CIMIP5: variants seen among roughly 807,000 people sequenced by gnomAD.
CIMIP5 encodes uncharacterized protein C2orf50.
At chr2:11,154,065 C>T in the CIMIP5 span, among the ~76,000 whole-genome samples, 1 of 152,128 alleles carries the variant, frequency 6.6e-6, no homozygotes, top group Non-Finnish European at 1.5e-5. Flanking sequence ...CAACCTCCGC[C>T]TCCTGGGTTC....
the CIMIP5 span, among the ~76,000 whole-genome samples, chr2:11,151,334 T>G: frequency 6.6e-6 from 1 of 152,212 alleles, no homozygotes; most frequent in African/African-American, 2.4e-5. Context: ...TCTCAGATAT[T>G]TTGGGTTTAC....
At chr2:11,144,003 G>T in the CIMIP5 span, 1 of 1,606,974 alleles carries the variant, frequency 6.2e-7, no homozygotes, top group Non-Finnish European at 8.5e-7. Context: ...ACCAGGTTGT[G>T]GGCAGCAGGC....
the CIMIP5 span, among the ~76,000 whole-genome samples, chr2:11,142,999 T>C: frequency 6.6e-6 from 1 of 152,206 alleles, no homozygotes; most frequent in East Asian, 1.9e-4. Context: ...CCATGGTGCC[T>C]GGCCATCAGA....
chr2:11,135,647 T>G, the CIMIP5 span, among the ~76,000 whole-genome samples: 26 of 110,596 alleles, frequency 2.4e-4, no homozygotes, highest in Admixed American at 9.2e-4. Context: ...GCCAGGCTGG[T>G]TTTTTTTGGG....
the CIMIP5 span, among the ~76,000 whole-genome samples, chr2:11,153,154 C>T: frequency 3.3e-5 from 5 of 152,212 alleles, no homozygotes; most frequent in Non-Finnish European, 7.3e-5. Context: ...CACATCACTG[C>T]ATCCTGGTCT....
the CIMIP5 span, among the ~76,000 whole-genome samples, chr2:11,138,768 A>G: frequency 6.6e-6 from 1 of 152,092 alleles, no homozygotes; most frequent in African/African-American, 2.4e-5. Flanking sequence ...TGCTCTGGCC[A>G]TGTGACCTGC....
the CIMIP5 span, among the ~76,000 whole-genome samples, chr2:11,147,168 G>A: frequency 2.6e-5 from 4 of 152,140 alleles, no homozygotes; most frequent in East Asian, 1.9e-4. Flanking sequence ...TCTTTTGCAC[G>A]TATTAGAATT....
the CIMIP5 span, chr2:11,143,996 A>C: frequency 6.2e-7 from 1 of 1,607,180 alleles, no homozygotes; most frequent in Non-Finnish European, 8.5e-7. Flanking sequence ...TCCACGAACC[A>C]GGTTGTGGGC....
the CIMIP5 span, chr2:11,144,184 C>T: frequency 1.5e-6 from 2 of 1,307,118 alleles, no homozygotes; most frequent in South Asian, 3.3e-5. Context: ...CACAACAGCA[C>T]CAGTCAGCTC....
chr2:11,145,381 T>G, the CIMIP5 span: 1 of 152,258 alleles, frequency 6.6e-6, no homozygotes, highest in Admixed American at 6.5e-5. Context: ...TCCTCCCACC[T>G]TGGCCTCCCA....
the CIMIP5 span, among the ~76,000 whole-genome samples, chr2:11,141,925 A>C: frequency 6.6e-6 from 1 of 152,212 alleles, no homozygotes; most frequent in Non-Finnish European, 1.5e-5. Flanking sequence ...GTGAACATTC[A>C]GTTCATGCTG....
At chr2:11,139,992 CAG>C in the CIMIP5 span, among the ~76,000 whole-genome samples, 1 of 147,760 alleles carries the variant, frequency 6.8e-6, no homozygotes, top group East Asian at 2.0e-4. Context: ...GAGGCTGAGA[CAG>C]GGGAATTGCT....
At chr2:11,148,932 C>T in the CIMIP5 span, among the ~76,000 whole-genome samples, 91,205 of 151,308 alleles carry the variant, frequency 0.6, 29,854 homozygotes, top group East Asian at 0.97. Flanking sequence ...CGGGGGTTCA[C>T]CATGTTGGCC....
the CIMIP5 span, chr2:11,133,582 A>G: frequency 6.2e-7 from 1 of 1,600,828 alleles, no homozygotes; most frequent in Non-Finnish European, 8.5e-7. Context: ...CGGCGGGGCC[A>G]GCAGCGCTGG....
the CIMIP5 span, chr2:11,133,326 A>T: frequency 2.1e-5 from 34 of 1,584,712 alleles, no homozygotes; most frequent in East Asian, 7.2e-4. Flanking sequence ...ACACACACAC[A>T]CTTGCACCAT....
At chr2:11,146,316 G>A in the CIMIP5 span, among the ~76,000 whole-genome samples, 1 of 152,144 alleles carries the variant, frequency 6.6e-6, no homozygotes, top group South Asian at 2.1e-4. Context: ...TGAAGCTGGG[G>A]TTCAGACTCA....
the CIMIP5 span, chr2:11,140,374 TAAAAAAAAAAA>T: frequency 1.4e-5 from 4 of 279,780 alleles, no homozygotes; most frequent in Non-Finnish European, 2.4e-5. Context: ...GCCTCCGTCT[TAAAAAAAAAAA>T]AAAAAAAAAA....
chr2:11,139,518 C>T, the CIMIP5 span, among the ~76,000 whole-genome samples: 1 of 152,154 alleles, frequency 6.6e-6, no homozygotes, highest in African/African-American at 2.4e-5. Flanking sequence ...CTTTTCCTAC[C>T]TCTCCCTAGC....
At chr2:11,140,619 T>G in the CIMIP5 span, 1 of 1,240,946 alleles carries the variant, frequency 8.1e-7, no homozygotes, top group African/African-American at 1.5e-5. Flanking sequence ...ATCATTCAAC[T>G]AACATTTATT....
Sources: allele counts gnomAD v4.1 joint callset (sites outside exome capture counted in the v4.1 genomes callset), GRCh38; gene constraint gnomAD v4.1.1; transcripts MANE v1.5; gene names NCBI Gene and HGNC (gene_info 2026-07-23, HGNC 2026-07-21).